Variants in PCDH15 observed in about 807,000 individuals in gnomAD.
PCDH15 encodes protocadherin related 15, also known as protocadherin-15.
A neutral mutation model predicts 178.5 loss-of-function variants in PCDH15; 129 were observed. The ratio of observed to expected loss-of-function variants is 0.72; its 90% CI spans 0.63 to 0.84. PCDH15 has a LOEUF of 0.84. Ranked by LOEUF, PCDH15 falls within the 40% of genes least tolerant of loss-of-function variation. The pLI, the probability that PCDH15 is intolerant of heterozygous loss-of-function variation, is 0.00. For missense variants in PCDH15, 2,230 were observed against 2,099.9 expected, an observed-to-expected ratio of 1.06 and a Z score of -1.21; for synonymous variants, 800 against 732.0, an observed-to-expected ratio of 1.09 and a Z score of -1.50.
At chr10:54,158,275 G>A (rs552350179) in intron 13 of PCDH15, among the ~76,000 whole-genome samples, 1 of 152,288 alleles carries the variant, frequency 6.6e-6, no homozygotes, top group African/African-American at 2.4e-5. Flanking sequence ...AGTTCTATAT[G>A]GCGGGGAGGT....
chr10:55,600,057 C>G, intron 2 of PCDH15: 1 of 1,010,788 alleles, frequency 9.9e-7, no homozygotes, highest in Non-Finnish European at 1.3e-6. Context: ...ATGTATCATC[C>G]CTGCATTAAA....
intron 2 of PCDH15, among the ~76,000 whole-genome samples, chr10:55,532,512 C>G (rs1428227016): frequency 6.6e-6 from 1 of 151,964 alleles, no homozygotes; most frequent in Admixed American, 6.6e-5. Context: ...AATAGTTTTG[C>G]TCTTGTTGAA....
chr10:54,776,971 T>G (rs1012012703), intron 1 of PCDH15, among the ~76,000 whole-genome samples: 1 of 152,204 alleles, frequency 6.6e-6, no homozygotes, highest in African/African-American at 2.4e-5. Context: ...AGAAATGTTT[T>G]CTTTTATTAT....
chr10:54,708,341 T>C (rs1030494014), intron 1 of PCDH15, among the ~76,000 whole-genome samples: 4 of 152,174 alleles, frequency 2.6e-5, no homozygotes, highest in African/African-American at 9.6e-5. Flanking sequence ...ATATTTGGTA[T>C]TATATTTGCA....
At chr10:55,178,279 T>A (rs1839550448) in intron 1 of PCDH15, among the ~76,000 whole-genome samples, 1 of 152,120 alleles carries the variant, frequency 6.6e-6, no homozygotes, top group Non-Finnish European at 1.5e-5. Flanking sequence ...CAGTGAGAGT[T>A]CCACAGATAT....
intron 1 of PCDH15, among the ~76,000 whole-genome samples, chr10:54,733,462 A>G (rs1943673891): frequency 6.6e-6 from 1 of 151,532 alleles, no homozygotes; most frequent in Non-Finnish European, 1.5e-5. Context: ...AAAAGAAATG[A>G]AAGAAGGCCT....
chr10:55,286,971 C>A (rs879574192), intron 1 of PCDH15, among the ~76,000 whole-genome samples: 1 of 151,972 alleles, frequency 6.6e-6, no homozygotes, highest in Admixed American at 6.6e-5. Context: ...TTAAAGCTAG[C>A]ATATCATTAC....
intron 17 of PCDH15, among the ~76,000 whole-genome samples, chr10:54,071,626 A>G (rs2094244660): frequency 6.6e-6 from 1 of 152,276 alleles, no homozygotes; most frequent in Middle Eastern, 3.4e-3. Context: ...TTGAAATTCA[A>G]TGACATTCAA....
chr10:54,698,939 C>G (rs1381102119), intron 1 of PCDH15, among the ~76,000 whole-genome samples: 1 of 152,180 alleles, frequency 6.6e-6, no homozygotes, highest in South Asian at 2.1e-4. Flanking sequence ...AAGAAGGGTT[C>G]CTTGACTTAT....
chr10:54,697,172 A>T (rs925777836), intron 1 of PCDH15, among the ~76,000 whole-genome samples: 3 of 152,110 alleles, frequency 2.0e-5, no homozygotes, highest in African/African-American at 7.2e-5. Flanking sequence ...ACTTTGATAG[A>T]TAAAAAATAG....
chr10:54,835,155 AG>A (rs560147487), intron 3 of PCDH15, among the ~76,000 whole-genome samples: 1,773 of 152,312 alleles, frequency 0.012, 25 homozygotes, highest in Non-Finnish European at 0.017. Context: ...TGTTGAAAAG[AG>A]ACAATAGCGA....
intron 2 of PCDH15, among the ~76,000 whole-genome samples, chr10:55,098,183 C>A (rs1354699010): frequency 1.3e-5 from 2 of 152,036 alleles, no homozygotes; most frequent in Non-Finnish European, 2.9e-5. Flanking sequence ...TCACAAAAAC[C>A]TTCTAAGGAA....
chr10:54,906,138 G>A (rs1954717789), intron 2 of PCDH15, among the ~76,000 whole-genome samples: 1 of 152,000 alleles, frequency 6.6e-6, no homozygotes. Flanking sequence ...TAAATCAAAA[G>A]GGGCTGGTTC....
At chr10:55,231,961 T>C (rs1048764709) in intron 1 of PCDH15, among the ~76,000 whole-genome samples, 11 of 152,044 alleles carry the variant, frequency 7.2e-5, no homozygotes, top group African/African-American at 2.4e-4. Context: ...TTGGACAATA[T>C]ATTTAATTCT....
intron 2 of PCDH15, among the ~76,000 whole-genome samples, chr10:54,573,308 T>C (rs1355246266): frequency 2.6e-5 from 4 of 152,150 alleles, no homozygotes; most frequent in African/African-American, 9.7e-5. Context: ...TTCATAATTT[T>C]AATAAAAAAC....
At chr10:54,987,569 G>A (rs1268506265) in intron 2 of PCDH15, among the ~76,000 whole-genome samples, 1 of 152,136 alleles carries the variant, frequency 6.6e-6, no homozygotes, top group Non-Finnish European at 1.5e-5. Flanking sequence ...TGACTGGAGT[G>A]TGATGGTATC....
intron 13 of PCDH15, among the ~76,000 whole-genome samples, chr10:54,169,973 C>A (rs2046708418): frequency 6.6e-6 from 1 of 151,184 alleles, no homozygotes; most frequent in Non-Finnish European, 1.5e-5. Context: ...CAGTACCTGC[C>A]TCTATAACCC....
At chr10:54,283,258 A>C (rs946190655) in intron 8 of PCDH15, among the ~76,000 whole-genome samples, 1 of 152,016 alleles carries the variant, frequency 6.6e-6, no homozygotes, top group African/African-American at 2.4e-5. Context: ...AGCATTTGTC[A>C]CTCTTATTTC....
At chr10:55,313,375 T>G (rs1222440969) in intron 1 of PCDH15, among the ~76,000 whole-genome samples, 4 of 152,206 alleles carry the variant, frequency 2.6e-5, no homozygotes, top group Admixed American at 1.3e-4. Flanking sequence ...CTTATACATT[T>G]TTTAGAATTC....
Sources: gnomAD v4.1 joint callset for allele counts (sites outside exome capture counted in the v4.1 genomes callset) on GRCh38, gnomAD v4.1.1 for gene constraint, MANE v1.5 for transcripts, NCBI Gene and HGNC (gene_info 2026-07-23, HGNC 2026-07-21) for gene names.